Variants in VPS13D observed in about 807,000 individuals in gnomAD.
VPS13D encodes vacuolar protein sorting 13 homolog D, also known as intermembrane lipid transfer protein VPS13D.
Under a neutral mutation model 461.9 loss-of-function variants are expected in VPS13D, and 187 were observed. The observed-to-expected ratio is 0.40, with a 90% CI of 0.36 to 0.46. The LOEUF (loss-of-function observed/expected upper bound fraction) is 0.46. Among genes scored for constraint, VPS13D ranks in the 20% least tolerant of loss-of-function variants. The probability of loss-of-function intolerance (pLI) is 0.60; values close to 1 mark genes in which losing one functional copy is unlikely to be tolerated. For synonymous variants in VPS13D, 1,951 were observed against 1,986.3 expected (o/e 0.98, Z 0.47); for missense variants, 4,711 against 5,364.9 (o/e 0.88, Z 3.81).
chr1:12,429,345 T>C (rs919900088), intron 65 of VPS13D, among the ~76,000 whole-genome samples: 1 of 151,872 alleles, frequency 6.6e-6, no homozygotes, highest in Non-Finnish European at 1.5e-5. Context: ...CAGGCTGGAG[T>C]GCAGTGGTGT....
intron 5 of VPS13D, among the ~76,000 whole-genome samples, chr1:12,247,512 CCAAAAAAAACA>C (rs1297402571): frequency 1.3e-5 from 2 of 151,402 alleles, no homozygotes; most frequent in Non-Finnish European, 2.9e-5. Flanking sequence ...CAAAAAAAAC[CCAAAAAAAACA>C]AAAACAAAAA....
At chr1:12,449,540 T>A (rs1452755545) in intron 65 of VPS13D, among the ~76,000 whole-genome samples, 1 of 152,208 alleles carries the variant, frequency 6.6e-6, no homozygotes, top group Admixed American at 6.5e-5. Flanking sequence ...CTTCTCTGTT[T>A]ATGAGTATCA....
chr1:12,362,406 C>T (rs1163286512), intron 50 of VPS13D, among the ~76,000 whole-genome samples: 4 of 152,140 alleles, frequency 2.6e-5, no homozygotes, highest in Non-Finnish European at 4.4e-5. Context: ...AAATGGAAAC[C>T]TAACATATAT....
In VPS13D at chr1:12,257,964, A is replaced by G. The variant is rs1640972520; in HGVS notation, c.971A>G (p.Asn324Ser). Residue 324 changes from asparagine to serine, a missense_variant, in exon 10 of 70, where the codon AAT (asparagine) becomes AGT (serine). Coordinates refer to ENST00000620676, the MANE Select transcript of VPS13D (RefSeq NM_015378.4). ...NCREWWYFAL[N>S]ANLYEIREQR... ...CGAGAATGGTGGTATTTTGCTTTGA[A>G]TGCTAACTTGTATGAGATCAGAGAG... The G allele has an allele frequency of 6.2e-7, 1 of 1,614,078 alleles. No individual in the cohort carries two copies. The highest frequency in any genetic ancestry group is 1.3e-5 in the African/African-American group (1 of 74,922).
chr1:12,429,934 T>G (rs1274963754), intron 65 of VPS13D, among the ~76,000 whole-genome samples: 1 of 152,252 alleles, frequency 6.6e-6, no homozygotes, highest in African/African-American at 2.4e-5. Flanking sequence ...AAATATTTGC[T>G]TTATTCCAGG....
At chr1:12,496,772 C>T (rs1441347096) in intron 67 of VPS13D, among the ~76,000 whole-genome samples, 1 of 152,232 alleles carries the variant, frequency 6.6e-6, no homozygotes, top group African/African-American at 2.4e-5. Context: ...ACCCTGAAAG[C>T]CATAACAAAG....
intron 65 of VPS13D, among the ~76,000 whole-genome samples, chr1:12,427,632 A>G (rs997302590): frequency 1.3e-5 from 2 of 152,218 alleles, no homozygotes; most frequent in Admixed American, 6.5e-5. Flanking sequence ...GATGATTTAT[A>G]TACAGGAAGA....
At chr1:12,298,892 G>A (rs1030748587) in intron 24 of VPS13D, among the ~76,000 whole-genome samples, 1 of 152,074 alleles carries the variant, frequency 6.6e-6, no homozygotes, top group Non-Finnish European at 1.5e-5. Context: ...ATAGTTTTAA[G>A]TGTATCCCAC....
At chr1:12,367,858 C>T (rs576745632) in intron 52 of VPS13D, among the ~76,000 whole-genome samples, 1 of 152,292 alleles carries the variant, frequency 6.6e-6, no homozygotes, top group South Asian at 2.1e-4. Context: ...CCACCCATCT[C>T]AGCCTCCCGA....
intron 68 of VPS13D, among the ~76,000 whole-genome samples, chr1:12,498,089 AATATGGAGCCTTATAT>A (rs1645984751): frequency 6.6e-6 from 1 of 152,204 alleles, no homozygotes; most frequent in Non-Finnish European, 1.5e-5. Context: ...TTACTCTTTA[AATATGGAGCCTTATAT>A]ACCTTGTCAT....
intron 67 of VPS13D, among the ~76,000 whole-genome samples, chr1:12,464,060 G>A (rs1418382298): frequency 6.6e-6 from 1 of 152,236 alleles, no homozygotes; most frequent in Admixed American, 6.5e-5. Flanking sequence ...GTGCCAGTTT[G>A]TTCTGATGAC....
chr1:12,306,138 C>T (rs1010097231), intron 26 of VPS13D, among the ~76,000 whole-genome samples: 19 of 152,186 alleles, frequency 1.2e-4, no homozygotes, highest in African/African-American at 4.6e-4. Flanking sequence ...CGCCCGCCAC[C>T]ACGCCTGGCT....
chr1:12,292,723 G>A (rs1642170124), intron 23 of VPS13D, among the ~76,000 whole-genome samples: 1 of 152,110 alleles, frequency 6.6e-6, no homozygotes, highest in African/African-American at 2.4e-5. Context: ...ACAGGCGTGA[G>A]CCACCGTGCC....
chr1:12,346,761 C>T (rs532879158), intron 44 of VPS13D, 109 bp downstream of exon 44: 24 of 1,072,036 alleles, frequency 2.2e-5, no homozygotes, highest in East Asian at 2.2e-4. Context: ...GACATATATG[C>T]GATTGAAATT....
chr1:12,274,080 G>T (rs1199389527), intron 18 of VPS13D, among the ~76,000 whole-genome samples: 1 of 151,934 alleles, frequency 6.6e-6, no homozygotes, highest in Non-Finnish European at 1.5e-5. Flanking sequence ...TCACTCTGTC[G>T]CCCAGGCTGG....
At chr1:12,418,102 T>G (rs1162297311) in intron 65 of VPS13D, among the ~76,000 whole-genome samples, 1 of 151,956 alleles carries the variant, frequency 6.6e-6, no homozygotes. Context: ...AGAGACGGAG[T>G]TTTGCCATTT....
Position 12,283,048 on chromosome 1 carries a change from A to G in VPS13D, c.4946A>G (p.Asp1649Gly). The change falls in exon 21 of 70, where the codon GAC (aspartate) becomes GGC (glycine). Residue 1649 changes from aspartate (D) to glycine (G), a missense_variant. Physicochemically the swap from Asp to Gly is moderately conservative, Grantham distance 94. Transcript: ENST00000620676. Reference sequence around the variant, plus strand: ...GGTCTTGTGAGCTTAAAGTTTCAGGACTTTGAGGTGGAATTCAGTAAAGAC... The same window carrying G: ...GGTCTTGTGAGCTTAAAGTTTCAGGGCTTTGAGGTGGAATTCAGTAAAGAC... ...AQGLVSLKFQ[D>G]FEVEFSKDHP... 1 of 1,614,144 alleles carries G rather than the reference A, an allele frequency of 6.2e-7. No homozygotes were observed. Among genetic ancestry groups the G allele is most frequent in the Non-Finnish European group, 8.5e-7 (1 of 1,180,010 alleles).
At position 12,508,883 on chromosome 1, in the gene VPS13D, T is replaced by C. The variant is rs1192783584; in HGVS notation, c.13036-10T>C. 4 of 1,613,238 alleles carry C rather than the reference T, an allele frequency of 2.5e-6. No homozygotes were observed. Among genetic ancestry groups the C allele is most frequent in the Non-Finnish European group, 3.4e-6 (4 of 1,179,628 alleles). ...TGGGGACAGGTGACCCATCCTGTTC[T>C]CCTCCTTAGGTCCATGTGAAATCTG... On this transcript the variant is annotated splice_polypyrimidine_tract_variant and intron_variant, in intron 69 of 69. Coordinates refer to ENST00000620676, the MANE Select transcript of VPS13D (RefSeq NM_015378.4).
intron 65 of VPS13D, among the ~76,000 whole-genome samples, chr1:12,437,360 G>T (rs965513729): frequency 1.3e-5 from 2 of 152,142 alleles, no homozygotes; most frequent in African/African-American, 2.4e-5. Flanking sequence ...GATTAGAAAG[G>T]CAGGACGAAA....
Sources: gnomAD v4.1 joint callset for allele counts (sites outside exome capture counted in the v4.1 genomes callset) on GRCh38, gnomAD v4.1.1 for gene constraint, MANE v1.5 for transcripts, NCBI Gene and HGNC (gene_info 2026-07-23, HGNC 2026-07-21) for gene names.